The following TBC1D8 variants were observed in gnomAD, a reference collection of about 807,000 sequenced individuals.
The protein encoded by TBC1D8 is BUB2-like protein 1.
Under a neutral mutation model 118.8 loss-of-function variants are expected in TBC1D8, and 65 were observed. The ratio of observed to expected loss-of-function variants is 0.55; its 90% CI spans 0.45 to 0.67. TBC1D8 has a LOEUF of 0.67. Ranked by LOEUF, TBC1D8 falls within the 30% of genes least tolerant of loss-of-function variation. The probability of loss-of-function intolerance (pLI) is 0.00; values close to 1 mark genes in which losing one functional copy is unlikely to be tolerated. For missense variants in TBC1D8, 1,376 were observed against 1,471.2 expected (o/e 0.94, Z 1.06); for synonymous variants, 566 against 595.8 (o/e 0.95, Z 0.73).
intron 5 of TBC1D8, among the ~76,000 whole-genome samples, chr2:101,049,701 C>G (rs1169266873): frequency 6.6e-6 from 1 of 151,736 alleles, no homozygotes; most frequent in Non-Finnish European, 1.5e-5. Flanking sequence ...GTACTCCAGC[C>G]TGGGGGACAG....
chr2:101,118,645 C>A (rs1212103528), intron 1 of TBC1D8, among the ~76,000 whole-genome samples: 1 of 145,472 alleles, frequency 6.9e-6, no homozygotes, highest in Non-Finnish European at 1.5e-5. Context: ...TGCAGTGAGC[C>A]GAGATGGCGC....
chr2:101,132,401 C>A (rs116334064), intron 1 of TBC1D8, among the ~76,000 whole-genome samples: 1 of 152,108 alleles, frequency 6.6e-6, no homozygotes, highest in Non-Finnish European at 1.5e-5. Flanking sequence ...GCCAGGTGAC[C>A]CCATGATGTC....
At chr2:101,029,394 T>TTA in intron 12 of TBC1D8, 97 bp downstream of exon 12, 2 of 1,192,700 alleles carry the variant, frequency 1.7e-6, no homozygotes, top group South Asian at 1.6e-5. Flanking sequence ...TCTGTCTCAA[T>TTA]AAAAAAAAAA....
At chr2:101,145,364 T>C (rs2104286035) in intron 1 of TBC1D8, among the ~76,000 whole-genome samples, 1 of 152,320 alleles carries the variant, frequency 6.6e-6, no homozygotes, top group East Asian at 1.9e-4. Flanking sequence ...TGTGGTTTCT[T>C]CCCTATTATG....
At chr2:101,040,575 C>T (rs1391723557) in intron 5 of TBC1D8, among the ~76,000 whole-genome samples, 190 bp from the exon 6 acceptor site, 1 of 152,202 alleles carries the variant, frequency 6.6e-6, no homozygotes, top group Admixed American at 6.5e-5. Flanking sequence ...GTTCAAGTGA[C>T]TGTCCTGCCT....
At chr2:101,137,935 A>C (rs905180645) in intron 1 of TBC1D8, among the ~76,000 whole-genome samples, 1 of 152,222 alleles carries the variant, frequency 6.6e-6, no homozygotes, top group African/African-American at 2.4e-5. Flanking sequence ...GCGACTGGGT[A>C]ATTTCTAAAG....
At chr2:101,122,752 T>G (rs1678186206) in intron 1 of TBC1D8, among the ~76,000 whole-genome samples, 1 of 152,158 alleles carries the variant, frequency 6.6e-6, no homozygotes, top group Non-Finnish European at 1.5e-5. Context: ...AAATAAACTT[T>G]TAAACAAAAC....
At position 101,040,258 on chromosome 2, in the gene TBC1D8, G is replaced by GC. The variant is rs1558645579; in HGVS notation, c.999dup (p.Arg334AlafsTer6). On this transcript the variant is annotated frameshift_variant, in exon 6 of 20. Coordinates refer to ENST00000409318, the MANE Select transcript of TBC1D8 (RefSeq NM_001330348.2). LOFTEE classifies it high-confidence loss of function. ...ATGTAGCTGTCAGAGGCGAACATCC[G>GC]CCCCGTGGTGTGACAGCGACTGAAC... 1 of 1,613,958 alleles carries GC rather than the reference G, an allele frequency of 6.2e-7. No individual in the cohort carries two copies. Among genetic ancestry groups the GC allele is most frequent in the South Asian group, 1.1e-5 (1 of 91,082 alleles).
chr2:101,018,230 T>C (rs976374783), intron 17 of TBC1D8: 5 of 254,880 alleles, frequency 2.0e-5, no homozygotes, highest in Non-Finnish European at 3.7e-5. Flanking sequence ...TAATGAAACA[T>C]TTGTGACCTC....
At chr2:101,045,772 T>C (rs541186506) in intron 5 of TBC1D8, among the ~76,000 whole-genome samples, 75 of 152,060 alleles carry the variant, frequency 4.9e-4, no homozygotes, top group African/African-American at 1.8e-3. Context: ...GGCGAGAGGA[T>C]CACTTGAGAC....
intron 2 of TBC1D8, among the ~76,000 whole-genome samples, chr2:101,081,545 T>G (rs565994776): frequency 6.6e-6 from 1 of 152,224 alleles, no homozygotes; most frequent in Admixed American, 6.5e-5. Flanking sequence ...AAGTTTTTCA[T>G]GAAAGGCAAC....
In TBC1D8 at chr2:101,119,563, C is replaced by T. The variant is rs868208231; in HGVS notation, c.128-29199G>A. The stretch of plus-strand genomic sequence containing the variant: ...CTCAACTTTGGCTGCAGTGCAGAGC[C>T]GGCCTGGGCCCCACTCCAGAGTCTG... On this transcript the variant is annotated intron_variant, in intron 1 of 19. Transcript: ENST00000409318. Among the ~76,000 whole-genome samples the T allele has an allele frequency of 1.2e-4, 18 of 152,296 alleles. 1 individual carries two copies. The highest frequency in any genetic ancestry group is 3.4e-3 in the Middle Eastern group (1 of 294).
intron 1 of TBC1D8, among the ~76,000 whole-genome samples, chr2:101,091,710 G>C (rs576453437): frequency 6.6e-6 from 1 of 152,230 alleles, no homozygotes; most frequent in African/African-American, 2.4e-5. Flanking sequence ...GGGAGACAGA[G>C]CAGGACCTCA....
At chr2:101,018,556 T>C (rs949284713) in intron 17 of TBC1D8, among the ~76,000 whole-genome samples, 3 of 152,192 alleles carry the variant, frequency 2.0e-5, no homozygotes, top group Admixed American at 2.0e-4. Context: ...CAGCTTCAAT[T>C]TTATTAATCA....
At chr2:101,082,379 T>C (rs1028589442) in intron 2 of TBC1D8, among the ~76,000 whole-genome samples, 13 of 152,038 alleles carry the variant, frequency 8.6e-5, no homozygotes, top group Non-Finnish European at 1.6e-4. Context: ...CTGCACGAGA[T>C]AGGCATCAAT....
At chr2:101,132,355 G>A (rs1303180370) in intron 1 of TBC1D8, among the ~76,000 whole-genome samples, 3 of 152,226 alleles carry the variant, frequency 2.0e-5, no homozygotes, top group East Asian at 1.9e-4. Flanking sequence ...AATTTTACAC[G>A]TGTATATCTG....
chr2:101,090,065 G>A (rs981167406), intron 2 of TBC1D8, 144 bp downstream of exon 2: 3 of 727,970 alleles, frequency 4.1e-6, no homozygotes, highest in African/African-American at 3.6e-5. Flanking sequence ...GGGAAGGAAG[G>A]GGAGTGGAGG....
rs560229179 is a variant in TBC1D8, at chr2:101,145,997, C to T, written c.127+5130G>A. On this transcript the variant is annotated intron_variant, in intron 1 of 19. Transcript: ENST00000409318. ...TTCAGTTTTTTTAAATTGTACTTTG[C>T]TTTTCTTCTGTCAAACCTACCAGGT... 2.5e-3 allele frequency among the ~76,000 whole-genome samples: 377 copies of T among 152,172 alleles called. 1 individual carries two copies. The highest frequency in any genetic ancestry group is 0.01 in the Middle Eastern group (3 of 292).
At chr2:101,085,685 A>G (rs189577524) in intron 2 of TBC1D8, among the ~76,000 whole-genome samples, 3 of 152,362 alleles carry the variant, frequency 2.0e-5, no homozygotes, top group South Asian at 2.1e-4. Context: ...GTGCTAGAAG[A>G]GAATGGAACA....
Sources: gnomAD v4.1 joint callset for allele counts (sites outside exome capture counted in the v4.1 genomes callset) on GRCh38, gnomAD v4.1.1 for gene constraint, MANE v1.5 for transcripts, NCBI Gene and HGNC (gene_info 2026-07-23, HGNC 2026-07-21) for gene names.